Variants in SLC8A1 observed in about 807,000 individuals in gnomAD.
The protein encoded by SLC8A1 is sodium/calcium exchanger 1.
SLC8A1 carries 18 observed loss-of-function variants against 68.3 expected under a neutral mutation model. The observed-to-expected ratio is 0.26, with a 90% CI of 0.18 to 0.39. The LOEUF is 0.39. Ranked by LOEUF, SLC8A1 falls within the 10% of genes least tolerant of loss-of-function variation. The pLI is 1.00. For missense variants in SLC8A1, 985 were observed against 1,156.7 expected (o/e 0.85, Z 2.15); for synonymous variants, 475 against 415.5 (o/e 1.14, Z -1.74).
chr2:40,421,126 C>T (rs184480109), intron 2 of SLC8A1, among the ~76,000 whole-genome samples: 35 of 152,202 alleles, frequency 2.3e-4, no homozygotes, highest in African/African-American at 8.2e-4. Flanking sequence ...ATCTCCAACA[C>T]TATCACCACC....
intron 2 of SLC8A1, among the ~76,000 whole-genome samples, chr2:40,353,850 G>T (rs926639676): frequency 6.6e-6 from 1 of 152,182 alleles, no homozygotes; most frequent in East Asian, 1.9e-4. Flanking sequence ...ACCTCTTAAG[G>T]AGAGGGAGGC....
At chr2:40,209,624 A>C (rs903390159) in intron 2 of SLC8A1, among the ~76,000 whole-genome samples, 6 of 152,186 alleles carry the variant, frequency 3.9e-5, no homozygotes, top group Admixed American at 6.5e-5. Flanking sequence ...CAGGGAGGCT[A>C]CTGTGGTTCC....
intron 2 of SLC8A1, among the ~76,000 whole-genome samples, chr2:40,385,176 G>A (rs968088631): frequency 2.0e-5 from 3 of 151,968 alleles, no homozygotes; most frequent in African/African-American, 7.2e-5. Flanking sequence ...ACCTTTTTAA[G>A]AGCGAGTATG....
chr2:40,509,297 G>A (rs1706559205), intron 1 of SLC8A1, among the ~76,000 whole-genome samples: 1 of 151,950 alleles, frequency 6.6e-6, no homozygotes, highest in South Asian at 2.1e-4. Context: ...TAGCCTTTCT[G>A]GCTTTCAGAT....
intron 2 of SLC8A1, among the ~76,000 whole-genome samples, chr2:40,262,294 T>C (rs1014132538): frequency 1.3e-5 from 2 of 152,212 alleles, no homozygotes; most frequent in African/African-American, 4.8e-5. Context: ...ATATTTATGA[T>C]AGCTTTTGGT....
chr2:40,411,286 C>G (rs1692054141), intron 2 of SLC8A1, among the ~76,000 whole-genome samples: 1 of 152,020 alleles, frequency 6.6e-6, no homozygotes, highest in South Asian at 2.1e-4. Flanking sequence ...ACACAGCATA[C>G]ACTCAGCAAA....
intron 2 of SLC8A1, among the ~76,000 whole-genome samples, chr2:40,328,612 A>C (rs532598770): frequency 1.3e-5 from 2 of 152,180 alleles, no homozygotes; most frequent in African/African-American, 4.8e-5. Flanking sequence ...TGCCTCTTAC[A>C]GCAGTTTAAA....
At chr2:40,402,545 C>A (rs1689070446) in intron 2 of SLC8A1, among the ~76,000 whole-genome samples, 1 of 152,180 alleles carries the variant, frequency 6.6e-6, no homozygotes, top group Admixed American at 6.5e-5. Context: ...CTCTTGGGGT[C>A]TGGATTAGGA....
chr2:40,230,933 C>G (rs1389017282), intron 2 of SLC8A1, among the ~76,000 whole-genome samples: 1 of 152,182 alleles, frequency 6.6e-6, no homozygotes, highest in Non-Finnish European at 1.5e-5. Flanking sequence ...TGGTTTGAAA[C>G]AAGTCTCTTT....
At position 40,240,242 on chromosome 2, in the gene SLC8A1, G is replaced by A. The variant is rs1188831526; in HGVS notation, c.1809-62387C>T. 2.0e-5 allele frequency among the ~76,000 whole-genome samples: 3 copies of A among 152,220 alleles called. No homozygotes were observed. The South Asian group carries it at 6.2e-4, about 32-fold the overall frequency. ...TATTATGTAACTGTTGTTAAGGGCT[G>A]ACGACATGGCAGGCTCTGTGCCAAG... On this transcript the variant is annotated intron_variant, in intron 2 of 7. Coordinates refer to ENST00000406785, the Ensembl canonical transcript of SLC8A1.
chr2:40,497,435 T>C (rs1705782370), intron 1 of SLC8A1, among the ~76,000 whole-genome samples: 1 of 151,828 alleles, frequency 6.6e-6, no homozygotes, highest in African/African-American at 2.4e-5. Context: ...ATGTTGACAA[T>C]ATTAAGTACC....
At chr2:40,400,087 T>C (rs1356872174) in intron 2 of SLC8A1, among the ~76,000 whole-genome samples, 2 of 152,240 alleles carry the variant, frequency 1.3e-5, no homozygotes, top group East Asian at 3.9e-4. Flanking sequence ...GCTCAATCGA[T>C]CACGACCCTC....
intron 2 of SLC8A1, among the ~76,000 whole-genome samples, chr2:40,338,767 T>G (rs1666800900): frequency 6.6e-6 from 1 of 152,240 alleles, no homozygotes; most frequent in African/African-American, 2.4e-5. Context: ...TTTTAGAAAT[T>G]TCCTAATAGA....
exon 2 of SLC8A1, chr2:40,428,937 A>G: frequency 6.2e-7 from 1 of 1,613,844 alleles, no homozygotes; most frequent in Non-Finnish European, 8.5e-7. Flanking sequence ...TTGCTGTGCC[A>G]TCCTCTGTTC....
At chr2:40,117,512 C>G in intron 7 of SLC8A1, among the ~76,000 whole-genome samples, 1 of 150,914 alleles carries the variant, frequency 6.6e-6, no homozygotes, top group East Asian at 1.9e-4. Context: ...TTGCAATGAC[C>G]CGTGACCATG....
intron 2 of SLC8A1, among the ~76,000 whole-genome samples, chr2:40,252,633 C>G (rs368479136): frequency 6.6e-6 from 1 of 152,122 alleles, no homozygotes; most frequent in Non-Finnish European, 1.5e-5. Flanking sequence ...TGAGCAATCA[C>G]GCCCGGCCAA....
chr2:40,400,190 G>A (rs1050187565), intron 2 of SLC8A1, among the ~76,000 whole-genome samples: 5 of 152,144 alleles, frequency 3.3e-5, no homozygotes, highest in Non-Finnish European at 5.9e-5. Context: ...TCTTGCCGAT[G>A]CCCCCGGCCG....
At chr2:40,240,749 C>T (rs762897583) in intron 2 of SLC8A1, among the ~76,000 whole-genome samples, 4 of 152,176 alleles carry the variant, frequency 2.6e-5, no homozygotes, top group Non-Finnish European at 5.9e-5. Context: ...ATGGCAGCTC[C>T]TGCCTGTACT....
chr2:40,482,346 G>T (rs1704684361), intron 1 of SLC8A1, among the ~76,000 whole-genome samples: 1 of 152,106 alleles, frequency 6.6e-6, no homozygotes, highest in South Asian at 2.1e-4. Context: ...GTTTTGTAAG[G>T]GTTGAAGCTT....
Sources: gnomAD v4.1 joint callset for allele counts (sites outside exome capture counted in the v4.1 genomes callset) on GRCh38, gnomAD v4.1.1 for gene constraint, MANE v1.5 for transcripts, NCBI Gene and HGNC (gene_info 2026-07-23, HGNC 2026-07-21) for gene names.